Variants in SYNE2 observed in about 807,000 individuals in gnomAD.
SYNE2 encodes the protein spectrin repeat containing nuclear envelope protein 2, also known as nesprin-2.
SYNE2 carries 431 observed loss-of-function variants against 856.3 expected under a neutral mutation model. The observed-to-expected ratio is 0.50, with a 90% CI of 0.47 to 0.55. The LOEUF is 0.55. Among genes scored for constraint, SYNE2 ranks in the 20% least tolerant of loss-of-function variants. The pLI is 0.00. For synonymous variants in SYNE2, 2,923 were observed against 2,872.3 expected, an observed-to-expected ratio of 1.02 and a Z score of -0.56; for missense variants, 8,129 against 8,023.2, an observed-to-expected ratio of 1.01 and a Z score of -0.50.
At position 64,213,029 on chromosome 14, in the gene SYNE2, T is replaced by C. The variant is rs8022694; in HGVS notation, c.19056+24T>C. 0.073 allele frequency: 118,127 copies of C among 1,612,036 alleles called. 4,992 individuals carry two copies. Among genetic ancestry groups the C allele is most frequent in the Non-Finnish European group, 0.083 (97,718 of 1,179,756 alleles). On this transcript the variant is annotated intron_variant, in intron 105 of 115. Coordinates refer to ENST00000555002, the MANE Select transcript of SYNE2 (RefSeq NM_182914.3). ...CGGTACGGGCACTGCTGCCTAGAAA[T>C]GGCACCTGGGCTGCTCAGAGTTTAC...
intron 1 of SYNE2, among the ~76,000 whole-genome samples, chr14:63,905,185 A>G (rs1307742071): frequency 2.0e-5 from 3 of 152,200 alleles, no homozygotes; most frequent in African/African-American, 7.2e-5. Flanking sequence ...TTTTTGTATC[A>G]GTACCATACT....
chr14:64,126,865 C>T, intron 73 of SYNE2, 58 bp downstream of exon 73: 1 of 1,519,466 alleles, frequency 6.6e-7, no homozygotes, highest in East Asian at 2.3e-5. Flanking sequence ...GCATGAACCC[C>T]TAATGCCTAT....
intron 45 of SYNE2, among the ~76,000 whole-genome samples, chr14:64,041,855 AAAAAAAAG>A (rs936479553): frequency 2.0e-5 from 3 of 152,006 alleles, no homozygotes; most frequent in Admixed American, 1.3e-4. Context: ...TTCTTAAAAA[AAAAAAAAG>A]AAAAAAGAAA....
chr14:63,842,861 C>T (rs1890114283), intron 1 of SYNE2, among the ~76,000 whole-genome samples: 1 of 152,130 alleles, frequency 6.6e-6, no homozygotes, highest in Non-Finnish European at 1.5e-5. Context: ...ACCATTGTGT[C>T]TTTCAAGGGT....
intron 2 of SYNE2, among the ~76,000 whole-genome samples, chr14:63,910,531 A>G (rs1430818370): frequency 6.6e-6 from 1 of 152,236 alleles, no homozygotes; most frequent in Non-Finnish European, 1.5e-5. Flanking sequence ...ATTCAGATGT[A>G]GATGGAATCA....
intron 1 of SYNE2, among the ~76,000 whole-genome samples, chr14:63,863,358 C>G (rs1894270090): frequency 6.6e-6 from 1 of 152,078 alleles, no homozygotes; most frequent in South Asian, 2.1e-4. Context: ...CACCTGTTTT[C>G]TCCTACTTTG....
intron 63 of SYNE2, among the ~76,000 whole-genome samples, chr14:64,100,529 AAAATATATATATATATATATATATAT>A (rs1304990981): frequency 1.0e-4 from 6 of 57,662 alleles, no homozygotes; most frequent in Non-Finnish European, 1.5e-4. Context: ...AAAAAAAAAA[AAAATATATATATATATATATATATAT>A]ATATATATAT....
At chr14:64,134,244 C>T (rs771242588) in intron 78 of SYNE2, 44 bp downstream of exon 78, 4 of 1,607,422 alleles carry the variant, frequency 2.5e-6, no homozygotes, top group African/African-American at 2.7e-5. Flanking sequence ...GTCCATAGCA[C>T]TTTGTGTTTT....
chr14:64,041,151 A>G (rs1200742265), intron 45 of SYNE2, among the ~76,000 whole-genome samples: 2 of 152,168 alleles, frequency 1.3e-5, no homozygotes, highest in Admixed American at 6.5e-5. Context: ...CAAAGACTGA[A>G]AGTTTATCTA....
rs554363425 is a variant in SYNE2 at position 63,778,800 on chromosome 14, C to T, written c.-305+16814C>T. ...AAAGTGCCAAAATTACAGATTTGAGCCACCGCACCTGGCCCATTATTATTT... is the reference window on the plus strand; with the variant it reads ...AAAGTGCCAAAATTACAGATTTGAGTCACCGCACCTGGCCCATTATTATTT... On this transcript the variant is annotated intron_variant, in intron 1 of 23. Coordinates refer to the SYNE2 transcript ENST00000674003. Among the ~76,000 whole-genome samples, 3 of 152,244 alleles carry T rather than the reference C, an allele frequency of 2.0e-5. No individual in the cohort carries two copies. In the South Asian group the frequency reaches 6.2e-4, roughly 32 times the overall value.
At chr14:64,140,812 A>G (rs971416434) in intron 80 of SYNE2, among the ~76,000 whole-genome samples, 2 of 152,100 alleles carry the variant, frequency 1.3e-5, no homozygotes, top group Non-Finnish European at 2.9e-5. Context: ...GGAAATAAAA[A>G]TGTATTACTC....
intron 1 of SYNE2, among the ~76,000 whole-genome samples, chr14:63,768,866 G>A (rs1886787385): frequency 6.6e-6 from 1 of 151,876 alleles, no homozygotes; most frequent in Non-Finnish European, 1.5e-5. Context: ...CAGTCATAGA[G>A]GAACTGGTTT....
chr14:63,769,527 G>C (rs1254468273), intron 1 of SYNE2, among the ~76,000 whole-genome samples: 1 of 152,028 alleles, frequency 6.6e-6, no homozygotes, highest in East Asian at 1.9e-4. Flanking sequence ...AATTAGCTGG[G>C]CGTGGTGGCG....
intron 11 of SYNE2, among the ~76,000 whole-genome samples, chr14:63,974,892 G>GTGTGTATATATATATATATATA (rs1375697679): frequency 3.7e-4 from 25 of 67,284 alleles, no homozygotes; most frequent in Admixed American, 7.1e-4. Context: ...GTGTGTGTGT[G>GTGTGTATATATATATATATATA]TATATATATA....
Position 63,995,047 on chromosome 14 carries a change from C to A in SYNE2, c.2785C>A (p.Leu929Ile). The A allele has an allele frequency of 6.6e-7, 1 of 1,526,672 alleles. No homozygotes were observed. The highest frequency in any genetic ancestry group is 1.8e-5 in the Admixed American group (1 of 56,150). 94.6% of individuals were successfully genotyped at this position (1,526,672 alleles called of 1,614,324 possible). ...SRDVCAKWES[L>I]HHELSLYVQQ... is the part of the protein sequence containing the mutation. Reference sequence around the variant, plus strand: ...ATTCCTTTGATTTTTTTTGTAGTCTCTTCATCATGAACTGTCTTTATATGT... The same window carrying A: ...ATTCCTTTGATTTTTTTTGTAGTCTATTCATCATGAACTGTCTTTATATGT... Residue 929 changes from leucine to isoleucine, a missense_variant, in exon 23 of 116, where the codon CTT (leucine) becomes ATT (isoleucine). Physicochemically the swap from Leu to Ile is conservative, Grantham distance 5. Coordinates refer to ENST00000555002, the MANE Select transcript of SYNE2 (RefSeq NM_182914.3).
intron 57 of SYNE2, among the ~76,000 whole-genome samples, chr14:64,086,953 A>G (rs1259178270): frequency 1.3e-5 from 2 of 151,494 alleles, no homozygotes; most frequent in South Asian, 2.1e-4. Context: ...CAGGTGATCC[A>G]CCCACCTCAG....
intron 89 of SYNE2, among the ~76,000 whole-genome samples, chr14:64,164,087 C>CTTATTTATTTAG (rs2098353236): frequency 7.3e-6 from 1 of 137,746 alleles, no homozygotes; most frequent in South Asian, 2.6e-4. Context: ...GCCTGGCTTG[C>CTTATTTATTTAG]TTATTTATTT....
intron 64 of SYNE2, among the ~76,000 whole-genome samples, chr14:64,103,966 C>T (rs2097754899): frequency 6.6e-6 from 1 of 152,208 alleles, no homozygotes; most frequent in Non-Finnish European, 1.5e-5. Context: ...TCAATTATGA[C>T]TTAGCACATT....
At chr14:63,974,295 C>T (rs754444412) in intron 11 of SYNE2, among the ~76,000 whole-genome samples, 54 of 152,146 alleles carry the variant, frequency 3.5e-4, no homozygotes, top group Non-Finnish European at 6.6e-4. Flanking sequence ...GTGGCACCAG[C>T]ATCTGCTTCT....
Sources: allele counts gnomAD v4.1 joint callset (sites outside exome capture counted in the v4.1 genomes callset), GRCh38; gene constraint gnomAD v4.1.1; transcripts MANE v1.5; gene names NCBI Gene and HGNC (gene_info 2026-07-23, HGNC 2026-07-21).